Variants in CCNB3 observed in about 807,000 individuals in gnomAD.
CCNB3 encodes G2/mitotic-specific cyclin-B3.
CCNB3 carries 12 observed loss-of-function variants against 68.0 expected under a neutral mutation model. The observed-to-expected ratio is 0.18, with a 90% CI of 0.11 to 0.29. CCNB3 has a LOEUF of 0.29. CCNB3 is among the 10% of genes least tolerant of loss of function. The pLI is 1.00. For missense variants in CCNB3, 904 were observed against 993.1 expected, an observed-to-expected ratio of 0.91 and a Z score of 1.21; for synonymous variants, 354 against 388.9, an observed-to-expected ratio of 0.91 and a Z score of 1.06.
At chrX:50,305,393 A>G (rs143770905) in intron 5 of CCNB3, among the ~76,000 whole-genome samples, 1,440 of 111,413 alleles carry the variant, frequency 0.013, 9 homozygotes, top group South Asian at 0.026. Flanking sequence ...TTCTCAGCAA[A>G]CTATCGCAAG....
At chrX:50,302,984 G>A (rs1243927493) in intron 5 of CCNB3, among the ~76,000 whole-genome samples, 1 of 111,164 alleles carries the variant, frequency 9.0e-6, no homozygotes, top group Non-Finnish European at 1.9e-5. Context: ...ACTTAGGAGT[G>A]TGGTTGCTGG....
intron 8 of CCNB3, 43 bp from the exon 9 acceptor site, chrX:50,342,159 G>A: frequency 8.3e-7 from 1 of 1,208,064 alleles, no homozygotes. Context: ...CGACTTTGGA[G>A]CTGGACAATA....
At chrX:50,279,463 AATATATAAATATATGAAATATTC>A (rs1936044769) in intron 1 of CCNB3, among the ~76,000 whole-genome samples, 2 of 82,082 alleles carry the variant, frequency 2.4e-5, no homozygotes, top group Admixed American at 1.8e-4. Context: ...AATATATATA[AATATATAAATATATGAAATATTC>A]ATATATAAAT....
chrX:50,298,597 T>A (rs1936538083), intron 5 of CCNB3, among the ~76,000 whole-genome samples: 1 of 111,658 alleles, frequency 9.0e-6, no homozygotes, highest in Non-Finnish European at 1.9e-5. Flanking sequence ...AATTCTCTTT[T>A]TTTGTTGTGT....
At chrX:50,351,552 A>G (rs1923680889) in intron 12 of CCNB3, 55 bp from the exon 13 acceptor site, 1 of 1,097,861 alleles carries the variant, frequency 9.1e-7, no homozygotes, top group Admixed American at 2.2e-5. Flanking sequence ...TGTTCCATAG[A>G]GCATGATTGT....
chrX:50,350,803 C>T (rs181814138), intron 11 of CCNB3, among the ~76,000 whole-genome samples: 115 of 109,838 alleles, frequency 1.0e-3, no homozygotes, highest in Non-Finnish European at 1.8e-3. Context: ...TCAAGCAATC[C>T]TCCTGCCTCA....
At chrX:50,341,035 G>T (rs1923098631) in intron 8 of CCNB3, among the ~76,000 whole-genome samples, 1 of 111,856 alleles carries the variant, frequency 8.9e-6, no homozygotes, top group South Asian at 3.7e-4. Context: ...TATTTAAAAA[G>T]TAGACAAAGA....
chrX:50,280,466 C>G (rs1168252992), intron 1 of CCNB3, among the ~76,000 whole-genome samples: 1 of 108,571 alleles, frequency 9.2e-6, no homozygotes, highest in African/African-American at 3.3e-5. Context: ...GGCAATAATA[C>G]AAGGATCTTG....
Position 50,206,276 on chromosome X carries a change from T to C in CCNB3, c.-113+1326T>C, listed in dbSNP as rs181012561. 7.0e-3 allele frequency among the ~76,000 whole-genome samples: 761 copies of C among 108,135 alleles called. 9 individuals are homozygous for C. The highest frequency in any genetic ancestry group is 0.024 in the African/African-American group (716 of 29,718). 93.9% of individuals were successfully genotyped at this position (108,135 alleles called of 115,157 possible). A position where few individuals can be genotyped will look rare whatever the true frequency, so the allele number is the denominator to read the frequency against. ...AAATAAATAAATAAATAAAATATAC[T>C]ATTACTTGGTAACAGCTGGGCGCTG... On this transcript the variant is annotated intron_variant, in intron 1 of 12. Transcript: ENST00000376042.
chrX:50,204,747 G>T (rs1935323832), upstream of CCNB3: 1 of 107,669 alleles, frequency 9.3e-6, no homozygotes, highest in African/African-American at 3.4e-5. Flanking sequence ...CGTACCAGTT[G>T]TTCTGAGGTG....
At position 50,302,685 on chromosome X, in the gene CCNB3, G is replaced by T. The variant is rs146801458; in HGVS notation, c.336-5820G>T. 8.0e-3 allele frequency among the ~76,000 whole-genome samples: 893 copies of T among 111,518 alleles called. 2 individuals carry two copies. Among genetic ancestry groups the T allele is most frequent in the South Asian group, 0.021 (56 of 2,645 alleles). ...TTTCTATATAGATTTCCCTATTCTGGATGTTTCATATAAATGGAATTAGAC... is the reference window on the plus strand; with the variant it reads ...TTTCTATATAGATTTCCCTATTCTGTATGTTTCATATAAATGGAATTAGAC... On this transcript the variant is annotated intron_variant, in intron 5 of 12. Coordinates refer to ENST00000376042, the MANE Select transcript of CCNB3 (RefSeq NM_033031.3).
At chrX:50,283,696 T>A (rs1355583267) in intron 1 of CCNB3, among the ~76,000 whole-genome samples, 3 of 110,552 alleles carry the variant, frequency 2.7e-5, no homozygotes, top group Non-Finnish European at 5.7e-5. Context: ...AACTAGGACA[T>A]CCCTGAATTC....
At chrX:50,289,387 T>C (rs181950438) in intron 4 of CCNB3, among the ~76,000 whole-genome samples, 71 of 111,432 alleles carry the variant, frequency 6.4e-4, no homozygotes, top group African/African-American at 2.1e-3. Context: ...ACAGAACTGT[T>C]GAGAACCATA....
intron 1 of CCNB3, among the ~76,000 whole-genome samples, chrX:50,228,033 T>G (rs1464475817): frequency 1.4e-3 from 107 of 75,428 alleles, no homozygotes; most frequent in African/African-American, 3.7e-3. Flanking sequence ...AGAATATATA[T>G]AGAGAGAATA....
rs1329640760 is a variant in CCNB3 at position 50,226,351 on chromosome X, A to G, written c.-113+21401A>G. Among the ~76,000 whole-genome samples the G allele has an allele frequency of 4.6e-5, 3 of 65,524 alleles. No homozygotes were observed. The East Asian group carries it at 1.4e-3, about 32-fold the overall frequency. 56.9% of individuals were successfully genotyped at this position (65,524 alleles called of 115,157 possible). On this transcript the variant is annotated intron_variant, in intron 1 of 12. Transcript: ENST00000376042. ...AGAAATATATATATAGAATATATATAAAAATATGTATAGAATATATATAAA... is the reference window on the plus strand; with the variant it reads ...AGAAATATATATATAGAATATATATGAAAATATGTATAGAATATATATAAA...
At chrX:50,316,421 T>C (rs979079139) in intron 8 of CCNB3, among the ~76,000 whole-genome samples, 1 of 112,561 alleles carries the variant, frequency 8.9e-6, no homozygotes, top group Non-Finnish European at 1.9e-5. Flanking sequence ...CTATTAAGGA[T>C]AAAATTACTA....
chrX:50,350,224 A>T (rs1923597815), intron 11 of CCNB3, among the ~76,000 whole-genome samples: 1 of 103,429 alleles, frequency 9.7e-6, no homozygotes, highest in Non-Finnish European at 1.9e-5. Flanking sequence ...ACTCTGTTCT[A>T]TGTATGATAC....
chrX:50,297,706 C>A (rs369909391), intron 5 of CCNB3, among the ~76,000 whole-genome samples: 7 of 108,966 alleles, frequency 6.4e-5, no homozygotes, highest in South Asian at 3.9e-4. Flanking sequence ...CATTGAATCT[C>A]TAAATTACCT....
intron 11 of CCNB3, 93 bp from the exon 12 acceptor site, chrX:50,351,148 A>T: frequency 2.0e-6 from 2 of 1,009,164 alleles, no homozygotes; most frequent in East Asian, 6.1e-5. Context: ...CTCTGTTTAA[A>T]CCATGTGTGG....
Sources: allele counts gnomAD v4.1 joint callset (sites outside exome capture counted in the v4.1 genomes callset), GRCh38; gene constraint gnomAD v4.1.1; transcripts MANE v1.5; gene names NCBI Gene and HGNC (gene_info 2026-07-23, HGNC 2026-07-21).